Variants in NECTIN1 observed in about 807,000 individuals in gnomAD.
NECTIN1 encodes the protein nectin cell adhesion molecule 1, also known as nectin-1.
NECTIN1 carries 23 observed loss-of-function variants against 48.0 expected under a neutral mutation model. That is an observed-to-expected ratio of 0.48 (90% CI 0.34 to 0.68). NECTIN1 has a LOEUF of 0.68. Among genes scored for constraint, NECTIN1 ranks in the 30% least tolerant of loss-of-function variants. The probability of loss-of-function intolerance (pLI) is 0.01; values close to 1 mark genes in which losing one functional copy is unlikely to be tolerated. For synonymous variants in NECTIN1, 270 were observed against 288.9 expected (o/e 0.93, Z 0.66); for missense variants, 591 against 709.9 (o/e 0.83, Z 1.90).
intron 1 of NECTIN1, among the ~76,000 whole-genome samples, chr11:119,718,417 G>A (rs944465924): frequency 1.3e-5 from 2 of 152,178 alleles, no homozygotes; most frequent in African/African-American, 2.4e-5. Flanking sequence ...CAAAGCAGCC[G>A]GCCCAGGAGA....
At chr11:119,719,538 A>C (rs914147758) in intron 1 of NECTIN1, among the ~76,000 whole-genome samples, 5 of 152,226 alleles carry the variant, frequency 3.3e-5, no homozygotes, top group Admixed American at 2.0e-4. Flanking sequence ...GAACAGAAGT[A>C]CCTTCCATAT....
rs1295362585 is a variant in NECTIN1 at position 119,638,355 on chromosome 11, C to T, written c.1228-108G>A. ...GGACTCCTCAGTTCCCATGCACCCC[C>T]ATTCTGGCATCCCCCACACTGGTGA... is the stretch of plus-strand genomic sequence containing the variant. On this transcript the variant is annotated intron_variant, in intron 7 of 7. Transcript: ENST00000341398. 5 of 1,369,806 alleles carry T rather than the reference C, an allele frequency of 3.7e-6. No individual in the cohort carries two copies. In the South Asian group the frequency reaches 6.1e-5, roughly 17 times the overall value. The allele number at this position is 1,369,806 out of a possible 1,614,324, so 84.9% of individuals were successfully genotyped here. A position where few individuals can be genotyped will look rare whatever the true frequency, so the allele number is the denominator to read the frequency against.
At chr11:119,702,963 C>T (rs1591477256) in intron 1 of NECTIN1, among the ~76,000 whole-genome samples, 2 of 152,202 alleles carry the variant, frequency 1.3e-5, no homozygotes, top group South Asian at 4.1e-4. Flanking sequence ...ATGGGTTAAA[C>T]CCCCCTTGCT....
chr11:119,717,345 G>A lies in NECTIN1; in HGVS notation c.79+11130C>T, dbSNP rs535991280. On this transcript the variant is annotated intron_variant, in intron 1 of 5. Coordinates refer to ENST00000264025, the MANE Select transcript of NECTIN1 (RefSeq NM_002855.5). ...TGGAGACCATCAGAGTGCTCTGCCG[G>A]CCCAGGACACTGATGACTCTCCAGG... Among the ~76,000 whole-genome samples the A allele has an allele frequency of 8.5e-5, 13 of 152,362 alleles. No homozygotes were observed. In the East Asian group the frequency reaches 2.3e-3, roughly 27 times the overall value.
intron 1 of NECTIN1, among the ~76,000 whole-genome samples, chr11:119,692,779 C>T (rs146372301): frequency 1.9e-4 from 29 of 152,374 alleles, no homozygotes; most frequent in African/African-American, 6.7e-4. Flanking sequence ...GTCACACAGT[C>T]TGCAAGACTG....
rs896941927 is a variant in NECTIN1, at chr11:119,677,990, C to T, written c.431-133G>A. On this transcript the variant is annotated intron_variant, in intron 2 of 5. Transcript: ENST00000264025. The surrounding 1 kb of genome is among the most constrained non-coding windows in gnomAD (Gnocchi z 5.4). ...CCATCCCTGCCTCTCAGCTGTGCTGCACCAAAGACTGTCCCAGAACCTCTT... is the reference window on the plus strand; with the variant it reads ...CCATCCCTGCCTCTCAGCTGTGCTGTACCAAAGACTGTCCCAGAACCTCTT... 1.2e-6 allele frequency: 1 copy of T among 853,842 alleles called. No homozygotes were observed. The highest frequency in any genetic ancestry group is 1.9e-6 in the Non-Finnish European group (1 of 522,444). 52.9% of individuals were successfully genotyped at this position (853,842 alleles called of 1,614,324 possible). A position where few individuals can be genotyped will look rare whatever the true frequency, so the allele number is the denominator to read the frequency against.
chr11:119,664,292 G>A lies in NECTIN1; in HGVS notation c.*455C>T. 1.0e-6 allele frequency: 1 copy of A among 999,246 alleles called. No individual in the cohort carries two copies. The highest frequency in any genetic ancestry group is 1.2e-6 in the Non-Finnish European group (1 of 838,076). 61.9% of individuals were successfully genotyped at this position (999,246 alleles called of 1,614,324 possible). A position where few individuals can be genotyped will look rare whatever the true frequency, so the allele number is the denominator to read the frequency against. On this transcript the variant is annotated 3_prime_UTR_variant, in exon 6 of 6. Transcript: ENST00000264025. ...GGTGTTGGGTTCCCTCTAGCCGGGA[G>A]GAGGAGCAGCATCTGGGGGTGTGGG...
At chr11:119,685,469 G>T (rs1025806949) in intron 1 of NECTIN1, among the ~76,000 whole-genome samples, 2 of 152,232 alleles carry the variant, frequency 1.3e-5, no homozygotes, top group Non-Finnish European at 2.9e-5. Flanking sequence ...CTGCTGCCCC[G>T]GCGTGGCAGC....
chr11:119,726,379 A>G (rs1365354833), intron 1 of NECTIN1, among the ~76,000 whole-genome samples: 2 of 152,182 alleles, frequency 1.3e-5, no homozygotes, highest in African/African-American at 4.8e-5. Flanking sequence ...CAAGCAGAGA[A>G]GGCACCAGGA....
At chr11:119,640,011 T>C (rs112109871) in exon 6 of NECTIN1, 2 of 1,610,396 alleles carry the variant, frequency 1.2e-6, no homozygotes, top group Non-Finnish European at 8.5e-7. Context: ...GGCGGGGCTT[T>C]TCTGGAAACA....
At chr11:119,647,161 A>ATGTGTGTGTGTGTGTGTGTGTG (rs58590467) in intron 5 of NECTIN1, among the ~76,000 whole-genome samples, 4 of 84,780 alleles carry the variant, frequency 4.7e-5, no homozygotes, top group South Asian at 4.7e-4. Context: ...CTTGCGGCGC[A>ATGTGTGTGTGTGTGTGTGTGTG]TGTGTGTGTG....
At chr11:119,708,319 G>C (rs1865581664) in intron 1 of NECTIN1, among the ~76,000 whole-genome samples, 1 of 152,034 alleles carries the variant, frequency 6.6e-6, no homozygotes, top group Non-Finnish European at 1.5e-5. Context: ...GATATGTGGG[G>C]CAGAGGAGAG....
chr11:119,638,587 C>G (rs965104735), intron 7 of NECTIN1: 3 of 825,708 alleles, frequency 3.6e-6, no homozygotes, highest in African/African-American at 1.7e-5. Flanking sequence ...ATGGATCCCT[C>G]TAGCATGGAC....
chr11:119,645,407 C>A (rs549998243), intron 5 of NECTIN1, among the ~76,000 whole-genome samples: 30 of 152,244 alleles, frequency 2.0e-4, no homozygotes, highest in Admixed American at 5.9e-4. Flanking sequence ...GTCATTGTTA[C>A]GTTGAAACCC....
Position 119,664,958 on chromosome 11 carries a change from C to T in NECTIN1, c.1343G>A (p.Gly448Glu), listed in dbSNP as rs1161967717. 4 of 1,613,090 alleles carry T rather than the reference C, an allele frequency of 2.5e-6. No individual in the cohort carries two copies. The highest frequency in any genetic ancestry group is 3.4e-6 in the Non-Finnish European group (4 of 1,179,398). Residue 448 changes from glycine (G) to glutamate (E), a missense_variant, in exon 6 of 6, where the codon GGG (glycine) becomes GAG (glutamate). Coordinates refer to ENST00000264025, the MANE Select transcript of NECTIN1 (RefSeq NM_002855.5). ...EEEEEEEGGG[G>E]GERKVGGPHP... Reference sequence around the variant, plus strand: ...GGGGCCGCCCACCTTGCGCTCGCCCCCTCCACCGCCCTCCTCCTCCTCCTC... The same window carrying T: ...GGGGCCGCCCACCTTGCGCTCGCCCTCTCCACCGCCCTCCTCCTCCTCCTC...
chr11:119,699,595 G>A (rs1214422801), intron 1 of NECTIN1, among the ~76,000 whole-genome samples: 1 of 152,330 alleles, frequency 6.6e-6, no homozygotes, highest in Non-Finnish European at 1.5e-5. Flanking sequence ...TGGAGGGCCC[G>A]TTCCATCTAT....
chr11:119,656,417 A>G (rs1437040609), downstream of NECTIN1: 1 of 152,260 alleles, frequency 6.6e-6, no homozygotes, highest in Non-Finnish European at 1.5e-5. Context: ...ACATTAAAAA[A>G]GAAAAAGACA....
chr11:119,675,461 A>C, intron 4 of NECTIN1, 151 bp from the exon 5 acceptor site: 4 of 694,546 alleles, frequency 5.8e-6, no homozygotes, highest in Non-Finnish European at 9.8e-6. Flanking sequence ...AATAATAATA[A>C]TCTCTTTCAC....
intron 1 of NECTIN1, among the ~76,000 whole-genome samples, chr11:119,704,432 G>A (rs1236750744): frequency 6.6e-6 from 1 of 152,124 alleles, no homozygotes; most frequent in Non-Finnish European, 1.5e-5. Context: ...GGCCAGGCTG[G>A]TCTAGAACTC....
Sources: gnomAD v4.1 joint callset for allele counts (sites outside exome capture counted in the v4.1 genomes callset) on GRCh38, gnomAD v4.1.1 for gene constraint, Gnocchi (gnomAD v3.1) non-coding constraint, MANE v1.5 for transcripts, NCBI Gene and HGNC (gene_info 2026-07-23, HGNC 2026-07-21) for gene names.